HSPG2: variants seen among roughly 807,000 people sequenced by gnomAD.
The protein encoded by HSPG2 is basement membrane-specific heparan sulfate proteoglycan core protein.
HSPG2 carries 278 observed loss-of-function variants against 526.6 expected under a neutral mutation model. The observed-to-expected ratio is 0.53, with a 90% CI of 0.48 to 0.58. The LOEUF (loss-of-function observed/expected upper bound fraction) is 0.58. Ranked by LOEUF, HSPG2 falls within the 20% of genes least tolerant of loss-of-function variation. HSPG2 has a pLI of 0.00. For synonymous variants in HSPG2, 2,465 were observed against 2,555.4 expected, an observed-to-expected ratio of 0.96 and a Z score of 1.07; for missense variants, 5,354 against 6,099.5, an observed-to-expected ratio of 0.88 and a Z score of 4.07.
intron 71 of HSPG2, 91 bp from the exon 72 acceptor site, chr1:21,840,108 T>A: frequency 1.0e-6 from 1 of 968,704 alleles, no homozygotes; most frequent in Non-Finnish European, 1.7e-6. Flanking sequence ...CTATTTCCTC[T>A]ACCCTGCCTT....
At chr1:21,873,347 C>T in intron 30 of HSPG2, 28 bp downstream of exon 30, 1 of 1,613,846 alleles carries the variant, frequency 6.2e-7, no homozygotes, top group Non-Finnish European at 8.5e-7. Flanking sequence ...GGTAACCCGA[C>T]CCCAATGACC....
At position 21,919,694 on chromosome 1, in the gene HSPG2, G is replaced by A. The variant is rs142086216; in HGVS notation, c.63+17461C>T. Among the ~76,000 whole-genome samples the A allele has an allele frequency of 4.1e-4, 63 of 152,164 alleles. 4 individuals carry two copies. Among genetic ancestry groups the A allele is most frequent in the African/African-American group, 1.4e-3 (59 of 41,506 alleles). ...ACATGAGTCACTTGGAGATCTTGTC[G>A]GCGTGCAGATTCTGAGTCAGTAGGT... On this transcript the variant is annotated intron_variant, in intron 1 of 96. Transcript: ENST00000374695.
rs1393813075 is a variant in HSPG2 at position 21,874,542 on chromosome 1, G to A, written c.3529-9C>T. 3 of 1,613,794 alleles carry A rather than the reference G, an allele frequency of 1.9e-6. No individual in the cohort carries two copies. Among genetic ancestry groups the A allele is most frequent in the South Asian group, 2.2e-5 (2 of 91,072 alleles). On this transcript the variant is annotated splice_polypyrimidine_tract_variant and intron_variant, in intron 27 of 96. Coordinates refer to ENST00000374695, the MANE Select transcript of HSPG2 (RefSeq NM_005529.7). ...GTGTGATGCTGGCAGCCCTGGAGGAGCAGGATGTGAGTTGAGGCTGGGCCT... is the reference window on the plus strand; with the variant it reads ...GTGTGATGCTGGCAGCCCTGGAGGAACAGGATGTGAGTTGAGGCTGGGCCT...
In HSPG2 at chr1:21,906,996, G is replaced by C. The variant is rs183412891; in HGVS notation, c.64-10686C>G. ...TGGAAGGAAAAGCGGGCTGGCGGCC[G>C]GCTAGCTGGTAGTAGGAGGGGTGTG... is the stretch of plus-strand genomic sequence containing the variant. On this transcript the variant is annotated intron_variant, in intron 1 of 96. Transcript: ENST00000374695. Among the ~76,000 whole-genome samples the C allele has an allele frequency of 2.7e-4, 41 of 152,240 alleles. 1 individual carries two copies. The highest frequency in any genetic ancestry group is 2.6e-3 in the Admixed American group (39 of 15,292).
At chr1:21,835,744 G>A in intron 75 of HSPG2, 107 bp from the exon 76 acceptor site, 1 of 786,338 alleles carries the variant, frequency 1.3e-6, no homozygotes, top group South Asian at 1.4e-5. Flanking sequence ...AGCACTTTGG[G>A]AGGCTGAGGC....
intron 1 of HSPG2, among the ~76,000 whole-genome samples, chr1:21,913,854 G>C (rs1302700803): frequency 6.6e-6 from 1 of 152,236 alleles, no homozygotes; most frequent in Non-Finnish European, 1.5e-5. Context: ...GTGAGTTCTG[G>C]GTGGGACTAA....
rs1165916127 is a variant in HSPG2 at position 21,822,951 on chromosome 1, G to A, written c.*365C>T. ...CCACAAGCCGAGGTTGGCTCTCCTA[G>A]GAGTGAGAACTGCCCAAGGGCTGCA... On this transcript the variant is annotated 3_prime_UTR_variant, in exon 97 of 97. Transcript: ENST00000374695. The A allele has an allele frequency of 1.5e-5, 3 of 198,312 alleles. No individual in the cohort carries two copies. In the Admixed American group the frequency reaches 1.6e-4, roughly 11 times the overall value. 12.3% of individuals were successfully genotyped at this position (198,312 alleles called of 1,614,324 possible). A position where few individuals can be genotyped will look rare whatever the true frequency, so the allele number is the denominator to read the frequency against.
At chr1:21,900,193 G>A (rs987391119) in intron 1 of HSPG2, among the ~76,000 whole-genome samples, 2 of 152,170 alleles carry the variant, frequency 1.3e-5, no homozygotes, top group African/African-American at 2.4e-5. Flanking sequence ...GTCAGACCTC[G>A]GCCAGAGAGG....
At chr1:21,862,267 C>T (rs754105763) in intron 37 of HSPG2, 152 bp from the exon 38 acceptor site, 65 of 973,076 alleles carry the variant, frequency 6.7e-5, no homozygotes, top group Non-Finnish European at 8.6e-5. Context: ...ATTACAAGGA[C>T]ACTCATCTCC....
intron 1 of HSPG2, among the ~76,000 whole-genome samples, chr1:21,899,524 T>G (rs546219073): frequency 1.8e-4 from 27 of 152,248 alleles, no homozygotes; most frequent in Middle Eastern, 3.4e-3. Flanking sequence ...GAAACTGGCA[T>G]GTGGCAGGGC....
At chr1:21,928,932 T>C (rs1389624890) in intron 1 of HSPG2, among the ~76,000 whole-genome samples, 1 of 151,680 alleles carries the variant, frequency 6.6e-6, no homozygotes, top group Non-Finnish European at 1.5e-5. Flanking sequence ...TTTATTATTA[T>C]TATTTTCAGT....
intron 1 of HSPG2, among the ~76,000 whole-genome samples, chr1:21,923,161 C>A (rs950552909): frequency 5.3e-5 from 8 of 152,154 alleles, no homozygotes; most frequent in Non-Finnish European, 1.0e-4. Context: ...AATCCCAGCA[C>A]TTTGGGAGGC....
In HSPG2 at chr1:21,885,302, C is replaced by T. The variant is rs367927984; in HGVS notation, c.1210+18G>A. ...ACCCAGCCCAGGGCCCGCATCTCGA[C>T]CCCAGCTCCCTGCTCACTGCAGCCA... On this transcript the variant is annotated intron_variant, in intron 10 of 96. Coordinates refer to ENST00000374695, the MANE Select transcript of HSPG2 (RefSeq NM_005529.7). The T allele has an allele frequency of 8.1e-6, 13 of 1,613,894 alleles. No individual in the cohort carries two copies. The South Asian group carries it at 1.2e-4, about 15-fold the overall frequency.
intron 87 of HSPG2, 35 bp from the exon 88 acceptor site, chr1:21,829,114 G>A (rs999046976): frequency 6.6e-7 from 1 of 1,525,466 alleles, no homozygotes; most frequent in Non-Finnish European, 8.8e-7. Flanking sequence ...GGGCACATGG[G>A]GGCACACGGG....
At chr1:21,880,908 A>T in intron 14 of HSPG2, 73 bp from the exon 15 acceptor site, 1 of 1,411,400 alleles carries the variant, frequency 7.1e-7, no homozygotes, top group Non-Finnish European at 9.8e-7. Flanking sequence ...AGGTGCCTAT[A>T]GTCTTCCAGC....
At chr1:21,936,177 C>A (rs1328939262) in intron 1 of HSPG2, among the ~76,000 whole-genome samples, 1 of 152,114 alleles carries the variant, frequency 6.6e-6, no homozygotes, top group Admixed American at 6.5e-5. Context: ...TGTGCCCCCA[C>A]CCACATCTGC....
Position 21,846,462 on chromosome 1 carries a change from G to C in HSPG2, c.8302C>G (p.Pro2768Ala), listed in dbSNP as rs1638444012. ...VTWHKRGGSL[P>A]SHHQTRGSRL... Reference sequence around the variant, plus strand: ...CAGCTGCATACCTGATGGTGACTGGGGAGGCTGCCCCCACGCTTGTGCCAA... The same window carrying C: ...CAGCTGCATACCTGATGGTGACTGGCGAGGCTGCCCCCACGCTTGTGCCAA... Residue 2768 changes from proline to alanine, a missense_variant, in exon 63 of 97, where the codon CCC (proline) becomes GCC (alanine). By Grantham distance (27) the Pro-to-Ala change is conservative. Transcript: ENST00000374695. 2 of 1,613,598 alleles carry C rather than the reference G, an allele frequency of 1.2e-6. No homozygotes were observed. Among genetic ancestry groups the C allele is most frequent in the Non-Finnish European group, 1.7e-6 (2 of 1,180,048 alleles).
rs748710241 is a variant in HSPG2 at position 21,839,992 on chromosome 1, G to A, written c.9539C>T (p.Ala3180Val). ...CTGAGCAAGGCACACATAAGTGCCCGCATCTGATGGTTTAGCTGATGAAAT... is the reference window on the plus strand; with the variant it reads ...CTGAGCAAGGCACACATAAGTGCCCACATCTGATGGTTTAGCTGATGAAAT... Reference protein sequence around the residue: ...LQISSAKPSDAGTYVCLAQNA... With the variant: ...LQISSAKPSDVGTYVCLAQNA... The change falls in exon 72 of 97, where the codon GCG becomes GTG. Residue 3180 changes from alanine to valine, a missense_variant. By Grantham distance (64) the Ala-to-Val change is moderately conservative (BLOSUM62 0). Transcript: ENST00000374695. The surrounding 1 kb of genome is among the most constrained non-coding windows in gnomAD (Gnocchi z 4.5). 1.3e-5 allele frequency: 21 copies of A among 1,614,024 alleles called. No individual in the cohort carries two copies. The Admixed American group carries it at 1.3e-4, about 10-fold the overall frequency.
Position 21,878,634 on chromosome 1 carries a change from T to C in HSPG2, c.2501A>G (p.Asp834Gly), listed in dbSNP as rs1572337501. 1 of 1,614,112 alleles carries C rather than the reference T, an allele frequency of 6.2e-7. No individual in the cohort carries two copies. The highest frequency in any genetic ancestry group is 2.2e-5 in the East Asian group (1 of 44,862). Residue 834 changes from aspartate to glycine, a missense_variant, in exon 19 of 97, where the codon GAT becomes GGT. Transcript: ENST00000374695. ...RFSDTCFLDTDGQATCDACAP... is the reference protein window; with the variant it reads ...RFSDTCFLDTGGQATCDACAP... ...ACAGGCGTCACATGTGGCTTGGCCA[T>C]CCGTGTCCAGGAAGCAAGTGTCTGA...
Sources: allele counts gnomAD v4.1 joint callset (sites outside exome capture counted in the v4.1 genomes callset), GRCh38; gene constraint gnomAD v4.1.1; non-coding constraint Gnocchi (gnomAD v3.1); transcripts MANE v1.5; gene names NCBI Gene and HGNC (gene_info 2026-07-23, HGNC 2026-07-21).